The following IQCB1 variants were observed in gnomAD, a reference collection of about 807,000 sequenced individuals.
IQCB1 encodes the protein IQ calmodulin-binding motif-containing protein 1.
In IQCB1, 56 loss-of-function variants were observed where a neutral mutation model predicts 84.4. That is an observed-to-expected ratio of 0.66 (90% CI 0.54 to 0.83). The LOEUF (loss-of-function observed/expected upper bound fraction) is 0.83. Among genes scored for constraint, IQCB1 ranks in the 40% least tolerant of loss-of-function variants. The pLI is 0.00. For synonymous variants in IQCB1, 210 were observed against 234.8 expected (o/e 0.89, Z 0.96); for missense variants, 629 against 682.1 (o/e 0.92, Z 0.87).
intron 5 of IQCB1, among the ~76,000 whole-genome samples, chr3:121,816,794 A>T (rs991527762): frequency 2.6e-5 from 4 of 152,200 alleles, no homozygotes; most frequent in African/African-American, 9.7e-5. Flanking sequence ...GAGAAATAGG[A>T]ACGCTTTTAC....
intron 7 of IQCB1, among the ~76,000 whole-genome samples, chr3:121,800,228 CG>C (rs1949352437): frequency 6.6e-6 from 1 of 151,858 alleles, no homozygotes; most frequent in Non-Finnish European, 1.5e-5. Context: ...TACATTTCTT[CG>C]ACAAACCAAC....
chr3:121,771,058 G>A (rs1362991428), intron 14 of IQCB1, among the ~76,000 whole-genome samples: 1 of 152,030 alleles, frequency 6.6e-6, no homozygotes. Context: ...TGCAACCTCC[G>A]CCTCCTGGGT....
chr3:121,771,661 G>C (rs1453646825), intron 14 of IQCB1, among the ~76,000 whole-genome samples: 1 of 152,114 alleles, frequency 6.6e-6, no homozygotes, highest in Non-Finnish European at 1.5e-5. Flanking sequence ...AACTTTAATA[G>C]AACCTCATCC....
intron 4 of IQCB1, among the ~76,000 whole-genome samples, chr3:121,828,030 GTTTC>G (rs1435437456): frequency 3.3e-5 from 5 of 152,080 alleles, no homozygotes; most frequent in African/African-American, 1.2e-4. Flanking sequence ...GAAATAAAAT[GTTTC>G]TTTATCAGTT....
At chr3:121,825,666 T>C (rs757707360) in intron 5 of IQCB1, among the ~76,000 whole-genome samples, 15 of 152,180 alleles carry the variant, frequency 9.9e-5, no homozygotes, top group South Asian at 2.1e-4. Context: ...GGAGAAGATA[T>C]GAGAGATCAA....
At chr3:121,792,596 A>G (rs1302788329) in intron 10 of IQCB1, among the ~76,000 whole-genome samples, 2 of 128,350 alleles carry the variant, frequency 1.6e-5, no homozygotes, top group African/African-American at 6.1e-5. Context: ...CGGGAGGCGG[A>G]GCTTGCAGTG....
intron 5 of IQCB1, among the ~76,000 whole-genome samples, chr3:121,825,306 C>T (rs1395949909): frequency 1.3e-5 from 2 of 152,024 alleles, no homozygotes; most frequent in African/African-American, 2.4e-5. Context: ...GTGATCCGCC[C>T]GCCTCGGCCT....
At chr3:121,800,130 T>C (rs1398126325) in intron 7 of IQCB1, among the ~76,000 whole-genome samples, 1 of 151,964 alleles carries the variant, frequency 6.6e-6, no homozygotes, top group Non-Finnish European at 1.5e-5. Flanking sequence ...TTCTGTCCAG[T>C]AGAAAAGGTA....
intron 12 of IQCB1, among the ~76,000 whole-genome samples, chr3:121,783,096 C>T (rs897305851): frequency 3.9e-5 from 6 of 152,168 alleles, no homozygotes; most frequent in Non-Finnish European, 8.8e-5. Context: ...TATAGCCCTT[C>T]CCTGAAAAGT....
At chr3:121,817,865 A>G (rs1031077824) in intron 5 of IQCB1, among the ~76,000 whole-genome samples, 1 of 152,042 alleles carries the variant, frequency 6.6e-6, no homozygotes, top group African/African-American at 2.4e-5. Flanking sequence ...AAGACATGAA[A>G]GAGACAAGAG....
chr3:121,797,909 G>A (rs2108568096), intron 8 of IQCB1, among the ~76,000 whole-genome samples: 1 of 152,046 alleles, frequency 6.6e-6, no homozygotes, highest in Middle Eastern at 3.4e-3. Flanking sequence ...AAATTGCCTT[G>A]TAGTGTATAA....
chr3:121,797,942 C>A (rs1949265640), intron 8 of IQCB1, among the ~76,000 whole-genome samples: 1 of 151,910 alleles, frequency 6.6e-6, no homozygotes, highest in African/African-American at 2.4e-5. Flanking sequence ...CTATATGGAT[C>A]TTTTAATGCC....
intron 2 of IQCB1, among the ~76,000 whole-genome samples, chr3:121,831,179 A>AT (rs71133577): frequency 6.2e-5 from 8 of 129,568 alleles, no homozygotes; most frequent in East Asian, 2.1e-4. Flanking sequence ...GTATCCTAGT[A>AT]TTTTTTTTTG....
chr3:121,831,679 TTGTTGGTGGAAGAAAACTCCAC>T (rs1950646478), intron 2 of IQCB1, among the ~76,000 whole-genome samples: 1 of 152,222 alleles, frequency 6.6e-6, no homozygotes, highest in African/African-American at 2.4e-5. Context: ...GATTGCTTGC[TTGTTGGTGGAAGAAAACTCCAC>T]ACATTTGGTC....
At chr3:121,826,897 G>A (rs1484021466) in intron 4 of IQCB1, among the ~76,000 whole-genome samples, 1 of 152,114 alleles carries the variant, frequency 6.6e-6, no homozygotes, top group Non-Finnish European at 1.5e-5. Flanking sequence ...GTCTCTATGT[G>A]TGTACTCTAA....
intron 8 of IQCB1, among the ~76,000 whole-genome samples, chr3:121,798,694 C>T (rs916450939): frequency 4.6e-5 from 7 of 151,906 alleles, no homozygotes; most frequent in African/African-American, 1.7e-4. Context: ...TATACGCTTA[C>T]TCCTTTTATC....
intron 5 of IQCB1, among the ~76,000 whole-genome samples, chr3:121,822,658 G>C (rs1950318453): frequency 6.6e-6 from 1 of 152,150 alleles, no homozygotes; most frequent in Non-Finnish European, 1.5e-5. Flanking sequence ...AGATGGTCTG[G>C]GTTAACATGG....
chr3:121,821,225 C>T (rs1920294), intron 5 of IQCB1, among the ~76,000 whole-genome samples: 60,250 of 151,912 alleles, frequency 0.4, 12,511 homozygotes, highest in South Asian at 0.56. Context: ...CTCAGCCTCC[C>T]AAAGTGCTGG....
intron 2 of IQCB1, among the ~76,000 whole-genome samples, chr3:121,831,353 T>C (rs926099701): frequency 7.2e-5 from 11 of 151,980 alleles, no homozygotes; most frequent in Non-Finnish European, 4.4e-5. Flanking sequence ...TTTGTATTTT[T>C]AGTAGAGACA....
Sources: allele counts gnomAD v4.1 joint callset (sites outside exome capture counted in the v4.1 genomes callset), GRCh38; gene constraint gnomAD v4.1.1; transcripts MANE v1.5; gene names NCBI Gene and HGNC (gene_info 2026-07-23, HGNC 2026-07-21).